The following PKIB variants were observed in gnomAD, a reference collection of about 807,000 sequenced individuals.
PKIB encodes PKI-beta.
A neutral mutation model predicts 4.5 loss-of-function variants in PKIB; 2 were observed. The ratio of observed to expected loss-of-function variants is 0.44; its 90% confidence interval spans 0.18 to 1.39. PKIB has a LOEUF of 1.39. PKIB is among the 40% of genes most tolerant of loss of function. The probability of loss-of-function intolerance (pLI) is 0.27; values close to 1 mark genes in which losing one functional copy is unlikely to be tolerated. For synonymous variants in PKIB, 38 were observed against 36.0 expected (o/e 1.06, Z -0.20); for missense variants, 94 against 92.6 (o/e 1.02, Z -0.06).
chr6:122,605,905 A>G (rs891934188), upstream of PKIB, among the ~76,000 whole-genome samples: 3 of 152,190 alleles, frequency 2.0e-5, no homozygotes, highest in Non-Finnish European at 4.4e-5. Flanking sequence ...ATCTTTGCCA[A>G]ATAGACCTGA....
chr6:122,611,675 T>C (rs1195033062), intron 1 of PKIB, among the ~76,000 whole-genome samples: 5 of 152,234 alleles, frequency 3.3e-5, no homozygotes, highest in Non-Finnish European at 7.3e-5. Context: ...TCCTTCTTAC[T>C]GACATTGCCA....
intron 2 of PKIB, among the ~76,000 whole-genome samples, chr6:122,520,584 TCTC>T (rs1325805286): frequency 3.9e-5 from 6 of 152,212 alleles, no homozygotes; most frequent in Admixed American, 2.6e-4. Flanking sequence ...TGGTGATTCT[TCTC>T]CTCTAGGGAA....
At chr6:122,476,636 CA>C (rs1366031588) in intron 1 of PKIB, among the ~76,000 whole-genome samples, 1 of 151,864 alleles carries the variant, frequency 6.6e-6, no homozygotes, top group Non-Finnish European at 1.5e-5. Context: ...TACATAAATT[CA>C]GGAAAAAAGG....
At chr6:122,508,473 A>C (rs950480708) in intron 2 of PKIB, among the ~76,000 whole-genome samples, 25 of 152,112 alleles carry the variant, frequency 1.6e-4, no homozygotes, top group African/African-American at 4.1e-4. Flanking sequence ...GTTAAGGTGT[A>C]AGGTGTGTTA....
At chr6:122,716,541 T>C (rs538674444) in intron 3 of PKIB, among the ~76,000 whole-genome samples, 28 of 152,306 alleles carry the variant, frequency 1.8e-4, no homozygotes, top group African/African-American at 6.7e-4. Flanking sequence ...ATTAATAGAA[T>C]GACTCTTTTT....
chr6:122,503,559 A>T (rs542794055), intron 2 of PKIB, among the ~76,000 whole-genome samples: 81 of 152,214 alleles, frequency 5.3e-4, no homozygotes, highest in African/African-American at 1.9e-3. Context: ...TTCTTCTTTT[A>T]TGATTATAGT....
chr6:122,529,878 T>A (rs1248400242), intron 2 of PKIB, among the ~76,000 whole-genome samples: 1 of 152,174 alleles, frequency 6.6e-6, no homozygotes, highest in Non-Finnish European at 1.5e-5. Context: ...GTCTTTGGCT[T>A]TAAACAGTTT....
intron 2 of PKIB, chr6:122,478,513 A>G (rs188257473): frequency 9.2e-5 from 14 of 152,302 alleles, no homozygotes; most frequent in Admixed American, 5.2e-4. Flanking sequence ...GTTCAGTTCT[A>G]TGGTATGCTT....
intron 2 of PKIB, among the ~76,000 whole-genome samples, chr6:122,575,496 G>A (rs1773501318): frequency 6.6e-6 from 1 of 151,922 alleles, no homozygotes; most frequent in African/African-American, 2.4e-5. Flanking sequence ...ATTTGCAATT[G>A]CAGAGATATT....
intron 2 of PKIB, among the ~76,000 whole-genome samples, chr6:122,491,273 C>T (rs1227919191): frequency 2.6e-5 from 4 of 152,180 alleles, no homozygotes; most frequent in Admixed American, 6.5e-5. Flanking sequence ...TACGCATGCT[C>T]ACTTGAGGCA....
intron 2 of PKIB, among the ~76,000 whole-genome samples, chr6:122,662,579 C>G (rs1358361968): frequency 6.6e-6 from 1 of 151,914 alleles, no homozygotes; most frequent in Non-Finnish European, 1.5e-5. Flanking sequence ...TTTGGCCTCC[C>G]AAAGTGCTGG....
intron 2 of PKIB, among the ~76,000 whole-genome samples, chr6:122,658,693 C>T (rs1049064486): frequency 6.6e-6 from 1 of 151,452 alleles, no homozygotes; most frequent in African/African-American, 2.4e-5. Context: ...CAGGGGAAAG[C>T]CTTGTTTGTT....
chr6:122,635,516 T>G (rs1775881645), intron 2 of PKIB, among the ~76,000 whole-genome samples: 2 of 151,236 alleles, frequency 1.3e-5, no homozygotes, highest in Non-Finnish European at 2.9e-5. Flanking sequence ...TTTTTCTGAT[T>G]TATTTAATAA....
At chr6:122,661,194 C>CT (rs1000424525) in intron 2 of PKIB, among the ~76,000 whole-genome samples, 1 of 152,082 alleles carries the variant, frequency 6.6e-6, no homozygotes, top group African/African-American at 2.4e-5. Context: ...ATTTATTTAA[C>CT]TTAAAAAAAA....
At position 122,524,125 on chromosome 6, in the gene PKIB, TCTC is replaced by T. The variant is rs148375064; in HGVS notation, c.-248+46195_-248+46197del. 1.6e-3 allele frequency among the ~76,000 whole-genome samples: 248 copies of T among 151,250 alleles called. 1 individual carries two copies. The highest frequency in any genetic ancestry group is 5.6e-3 in the African/African-American group (229 of 41,176). On this transcript the variant is annotated intron_variant, in intron 2 of 6. Coordinates refer to the PKIB transcript ENST00000392491. ...TTCTTCTCTCTTCTTCCTTCTTCCT[TCTC>T]CTCCTCCTTCCTCCTCCTCCCCCTC...
chr6:122,724,379 G>A (rs1317303466), intron 4 of PKIB, among the ~76,000 whole-genome samples: 2 of 152,300 alleles, frequency 1.3e-5, no homozygotes, highest in South Asian at 2.1e-4. Flanking sequence ...CTCCAAAATT[G>A]TGCAACCAGG....
At chr6:122,541,635 T>C (rs1777607178) in intron 2 of PKIB, among the ~76,000 whole-genome samples, 1 of 151,884 alleles carries the variant, frequency 6.6e-6, no homozygotes, top group Non-Finnish European at 1.5e-5. Context: ...TCATTTCAAC[T>C]TTGGTGAATC....
intron 3 of PKIB, among the ~76,000 whole-genome samples, chr6:122,690,187 CTT>C (rs574935158): frequency 7.0e-6 from 1 of 142,192 alleles, no homozygotes. Flanking sequence ...TTGGGTCTTT[CTT>C]TTTTTTTTTA....
intron 2 of PKIB, among the ~76,000 whole-genome samples, chr6:122,578,208 A>G (rs927462159): frequency 1.3e-5 from 2 of 152,150 alleles, no homozygotes; most frequent in Admixed American, 1.3e-4. Flanking sequence ...GCTAAAAATT[A>G]AATCAGGGTT....
Sources: allele counts gnomAD v4.1 joint callset (sites outside exome capture counted in the v4.1 genomes callset), GRCh38; gene constraint gnomAD v4.1.1; transcripts MANE v1.5; gene names NCBI Gene and HGNC (gene_info 2026-07-23, HGNC 2026-07-21).